RIT2: variants seen among roughly 807,000 people sequenced by gnomAD.
The protein encoded by RIT2 is Ras like without CAAX 2, also known as GTP-binding protein Rit2.
Under a neutral mutation model 23.7 loss-of-function variants are expected in RIT2, and 24 were observed. The ratio of observed to expected loss-of-function variants is 1.01; its 90% CI spans 0.73 to 1.43. RIT2 has a LOEUF of 1.43. RIT2 is among the 40% of genes most tolerant of loss of function. The probability of loss-of-function intolerance (pLI) is 0.00; values close to 1 mark genes in which losing one functional copy is unlikely to be tolerated. For missense variants in RIT2, 236 were observed against 266.9 expected (o/e 0.88, Z 0.81); for synonymous variants, 107 against 91.1 (o/e 1.17, Z -0.99).
chr18:43,023,592 C>G (rs1251077141), intron 2 of RIT2, among the ~76,000 whole-genome samples: 1 of 151,922 alleles, frequency 6.6e-6, no homozygotes, highest in Non-Finnish European at 1.5e-5. Flanking sequence ...TGAGGAAAGA[C>G]CAGCAACCTA....
At chr18:43,073,742 A>G (rs1234998017) in intron 1 of RIT2, among the ~76,000 whole-genome samples, 1 of 152,194 alleles carries the variant, frequency 6.6e-6, no homozygotes, top group Non-Finnish European at 1.5e-5. Context: ...CCAGCAATCC[A>G]GACTGGTTGA....
At chr18:42,847,080 T>G (rs1906929975) in intron 4 of RIT2, among the ~76,000 whole-genome samples, 1 of 152,150 alleles carries the variant, frequency 6.6e-6, no homozygotes, top group South Asian at 2.1e-4. Context: ...TCATTTGCCA[T>G]GCGGTAAAAG....
At chr18:42,973,077 T>C (rs532784960) in intron 3 of RIT2, among the ~76,000 whole-genome samples, 1 of 151,994 alleles carries the variant, frequency 6.6e-6, no homozygotes, top group South Asian at 2.1e-4. Context: ...AATACAGGTA[T>C]ACTTACTTTG....
intron 1 of RIT2, among the ~76,000 whole-genome samples, chr18:43,065,221 T>A (rs868463808): frequency 1.5e-3 from 40 of 26,624 alleles, no homozygotes; most frequent in African/African-American, 2.9e-3. Flanking sequence ...TTTTTGGGTT[T>A]TTTTTTTTTT....
intron 2 of RIT2, among the ~76,000 whole-genome samples, chr18:42,986,839 A>G (rs1243948958): frequency 6.6e-6 from 1 of 152,150 alleles, no homozygotes; most frequent in East Asian, 1.9e-4. Flanking sequence ...AATGTAAATT[A>G]TTATTTTAGT....
chr18:43,006,662 T>G (rs1214512060), intron 2 of RIT2, among the ~76,000 whole-genome samples: 1 of 150,342 alleles, frequency 6.7e-6, no homozygotes, highest in Non-Finnish European at 1.5e-5. Flanking sequence ...AAAAGGAAAA[T>G]AAACTAAAAA....
At chr18:42,813,735 T>C (rs1024302603) in intron 4 of RIT2, among the ~76,000 whole-genome samples, 6 of 152,182 alleles carry the variant, frequency 3.9e-5, no homozygotes, top group African/African-American at 1.2e-4. Flanking sequence ...AGATTGCAGC[T>C]CTGACTCAGG....
intron 4 of RIT2, among the ~76,000 whole-genome samples, chr18:42,759,943 A>C (rs1913263051): frequency 6.6e-6 from 1 of 151,914 alleles, no homozygotes; most frequent in Admixed American, 6.6e-5. Flanking sequence ...ACGCATAGCA[A>C]ATTTTGTATT....
chr18:42,916,181 G>T (rs1908905180), intron 4 of RIT2, among the ~76,000 whole-genome samples: 1 of 152,104 alleles, frequency 6.6e-6, no homozygotes, highest in African/African-American at 2.4e-5. Flanking sequence ...GATGGGGCCT[G>T]ATAATTAGTA....
At chr18:43,032,601 C>G (rs555256403) in intron 2 of RIT2, among the ~76,000 whole-genome samples, 1 of 152,130 alleles carries the variant, frequency 6.6e-6, no homozygotes, top group African/African-American at 2.4e-5. Flanking sequence ...CAGCTAACCA[C>G]TTCTAAAACT....
intron 4 of RIT2, among the ~76,000 whole-genome samples, chr18:42,806,867 A>T (rs776542151): frequency 6.6e-6 from 1 of 152,238 alleles, no homozygotes; most frequent in Non-Finnish European, 1.5e-5. Context: ...GTCCATACTT[A>T]AGCAATACTG....
intron 1 of RIT2, among the ~76,000 whole-genome samples, chr18:43,095,907 T>C (rs1469623677): frequency 6.6e-6 from 1 of 151,922 alleles, no homozygotes; most frequent in East Asian, 1.9e-4. Flanking sequence ...TCAAGAGAGG[T>C]TGGTCACTCA....
intron 1 of RIT2, among the ~76,000 whole-genome samples, chr18:43,039,035 C>T (rs1002884336): frequency 6.6e-6 from 1 of 152,100 alleles, no homozygotes; most frequent in African/African-American, 2.4e-5. Flanking sequence ...TCCTTCACTG[C>T]CACATCTTGA....
chr18:43,098,084 A>G (rs1441701249), intron 1 of RIT2, among the ~76,000 whole-genome samples: 1 of 151,860 alleles, frequency 6.6e-6, no homozygotes, highest in Non-Finnish European at 1.5e-5. Context: ...AGAGATGTAA[A>G]ATATGTCACT....
chr18:42,860,521 A>G (rs1389746863), intron 4 of RIT2, among the ~76,000 whole-genome samples: 1 of 152,214 alleles, frequency 6.6e-6, no homozygotes, highest in Non-Finnish European at 1.5e-5. Flanking sequence ...CCTTACTTCA[A>G]CATTCTGGAA....
chr18:43,088,490 T>C (rs755382949), intron 1 of RIT2, among the ~76,000 whole-genome samples: 15 of 152,128 alleles, frequency 9.9e-5, no homozygotes, highest in African/African-American at 3.4e-4. Flanking sequence ...TTCCTCACAG[T>C]AAAAAAACTG....
intron 4 of RIT2, among the ~76,000 whole-genome samples, chr18:42,904,101 A>G (rs952068169): frequency 4.6e-5 from 7 of 152,156 alleles, no homozygotes; most frequent in African/African-American, 1.7e-4. Flanking sequence ...ACCCAGGCAC[A>G]TACAAGAATT....
At chr18:43,034,277 G>A (rs1394236550) in intron 1 of RIT2, among the ~76,000 whole-genome samples, 1 of 152,162 alleles carries the variant, frequency 6.6e-6, no homozygotes, top group East Asian at 1.9e-4. Context: ...CATCTTTAAA[G>A]TGAATAGATA....
chr18:42,754,804 T>C (rs1258975085), intron 4 of RIT2, among the ~76,000 whole-genome samples: 1 of 152,244 alleles, frequency 6.6e-6, no homozygotes, highest in East Asian at 1.9e-4. Context: ...AAACAGTCAC[T>C]GGAGACCACA....
Sources: allele counts gnomAD v4.1 joint callset (sites outside exome capture counted in the v4.1 genomes callset), GRCh38; gene constraint gnomAD v4.1.1; transcripts MANE v1.5; gene names NCBI Gene and HGNC (gene_info 2026-07-23, HGNC 2026-07-21).